The following CLDN2 variants were observed in gnomAD, a reference collection of about 807,000 sequenced individuals.
CLDN2 encodes claudin-2.
A neutral mutation model predicts 8.2 loss-of-function variants in CLDN2; 1 was observed. The ratio of observed to expected loss-of-function variants is 0.12; its 90% CI spans 0.04 to 0.58. CLDN2 has a LOEUF of 0.58. Ranked by LOEUF, CLDN2 falls within the 20% of genes least tolerant of loss-of-function variation. The pLI, the probability that CLDN2 is intolerant of heterozygous loss-of-function variation, is 0.90. For missense variants in CLDN2, 108 were observed against 172.9 expected (o/e 0.62, Z 2.11); for synonymous variants, 70 against 70.2 (o/e 1.00, Z 0.01).
At chrX:106,923,641 G>A (rs1287846752) in intron 1 of CLDN2, among the ~76,000 whole-genome samples, 6 of 111,772 alleles carry the variant, frequency 5.4e-5, no homozygotes, top group African/African-American at 2.0e-4. Flanking sequence ...AAGGAACACT[G>A]CATGAGGAGC....
intron 1 of CLDN2, among the ~76,000 whole-genome samples, chrX:106,911,487 C>T (rs748474233): frequency 2.3e-4 from 26 of 111,278 alleles, no homozygotes; most frequent in Non-Finnish European, 4.3e-4. Flanking sequence ...ATCTCCACCC[C>T]CCAAACCCCT....
At chrX:106,900,841 A>C in intron 1 of CLDN2, 1 of 1,209,845 alleles carries the variant, frequency 8.3e-7, no homozygotes, top group Non-Finnish European at 1.1e-6. Flanking sequence ...TGGACAGGAA[A>C]GTTCTGCAGT....
upstream of CLDN2, among the ~76,000 whole-genome samples, chrX:106,917,773 C>A (rs1933332079): frequency 9.0e-6 from 1 of 111,259 alleles, no homozygotes; most frequent in Non-Finnish European, 1.9e-5. Flanking sequence ...TATTCTCTCC[C>A]TACTCACTTG....
At chrX:106,906,708 C>T (rs758087378) in intron 1 of CLDN2, among the ~76,000 whole-genome samples, 19 of 111,642 alleles carry the variant, frequency 1.7e-4, no homozygotes, top group African/African-American at 5.8e-4. Flanking sequence ...AGGCTAATCC[C>T]TTTGCCTGGG....
In CLDN2 at chrX:106,930,512, T is replaced by C. The variant is rs1331747466; in HGVS notation, c.*1591T>C. 1 of 122,243 alleles carries C rather than the reference T, an allele frequency of 8.2e-6. No homozygotes were observed. The highest frequency in any genetic ancestry group is 1.9e-5 in the Non-Finnish European group (1 of 52,967). The allele number at this position is 122,243 out of a possible 1,213,427, so 10.1% of individuals were successfully genotyped here. ...CATGCCTTTCACATGTCCACCTTCT[T>C]GCCATGTTCCAGCTGCTCTCCCAAC... is the stretch of plus-strand genomic sequence containing the variant. On this transcript the variant is annotated 3_prime_UTR_variant, in exon 2 of 2. Coordinates refer to ENST00000336803, the MANE Select transcript of CLDN2 (RefSeq NM_020384.4).
chrX:106,903,694 G>A (rs181339111), intron 1 of CLDN2, among the ~76,000 whole-genome samples: 18 of 112,146 alleles, frequency 1.6e-4, no homozygotes, highest in African/African-American at 5.8e-4. Context: ...TGAATAGACA[G>A]GCCTTTAACT....
upstream of CLDN2, among the ~76,000 whole-genome samples, chrX:106,919,779 C>T (rs1265207322): frequency 8.9e-6 from 1 of 112,956 alleles, no homozygotes; most frequent in Non-Finnish European, 1.9e-5. Flanking sequence ...CCACTGCACA[C>T]GGCCTTCACA....
chrX:106,921,685 G>A (rs1477230048), intron 1 of CLDN2, among the ~76,000 whole-genome samples: 1 of 112,224 alleles, frequency 8.9e-6, no homozygotes, highest in Non-Finnish European at 1.9e-5. Flanking sequence ...GTGAGAAGGG[G>A]TTAAGTCAGG....
chrX:106,909,544 C>A (rs1010810680), intron 1 of CLDN2, among the ~76,000 whole-genome samples: 3 of 112,228 alleles, frequency 2.7e-5, no homozygotes, highest in East Asian at 2.8e-4. Context: ...AGCCGGAGCC[C>A]CTGGGGTTGA....
intron 1 of CLDN2, among the ~76,000 whole-genome samples, chrX:106,921,456 G>T (rs758855131): frequency 4.7e-4 from 52 of 111,703 alleles, no homozygotes; most frequent in African/African-American, 1.4e-3. Context: ...TTCTTATGAG[G>T]GGCAGTGAGA....
intron 1 of CLDN2, chrX:106,900,917 A>G (rs752101453): frequency 2.3e-5 from 28 of 1,205,103 alleles, no homozygotes; most frequent in East Asian, 1.5e-4. Context: ...GCCTGTGGAC[A>G]GAGAAGAAAC....
intron 1 of CLDN2, among the ~76,000 whole-genome samples, chrX:106,901,790 AG>A (rs1163098021): frequency 1.8e-5 from 2 of 110,776 alleles, no homozygotes; most frequent in Non-Finnish European, 3.8e-5. Context: ...GAGGCTCTCC[AG>A]GGGACAGTGT....
At chrX:106,923,879 A>G (rs1163417492) in intron 1 of CLDN2, among the ~76,000 whole-genome samples, 1 of 111,651 alleles carries the variant, frequency 9.0e-6, no homozygotes, top group Non-Finnish European at 1.9e-5. Flanking sequence ...AGAGCCATCT[A>G]GAAGTCGAGA....
intron 1 of CLDN2, chrX:106,900,728 T>C: frequency 8.4e-7 from 1 of 1,195,512 alleles, no homozygotes; most frequent in Non-Finnish European, 1.1e-6. Flanking sequence ...CACACCCTTC[T>C]GGCCCCTTTT....
At chrX:106,913,957 T>TC (rs1486507456), upstream of CLDN2, among the ~76,000 whole-genome samples, 8 of 100,550 alleles carry the variant, frequency 8.0e-5, no homozygotes, top group East Asian at 2.5e-3. Context: ...ACTTTTTTTT[T>TC]TTTTTTTTTT....
intron 1 of CLDN2, among the ~76,000 whole-genome samples, chrX:106,903,688 T>C (rs1445230197): frequency 8.9e-6 from 1 of 112,112 alleles, no homozygotes; most frequent in Middle Eastern, 4.2e-3. Flanking sequence ...GAGGGCTGAA[T>C]AGACAGGCCT....
intron 1 of CLDN2, among the ~76,000 whole-genome samples, chrX:106,909,026 C>G (rs1413595363): frequency 9.0e-6 from 1 of 111,437 alleles, no homozygotes; most frequent in African/African-American, 3.3e-5. Context: ...GGATACTGCC[C>G]AAAGATTTCA....
At chrX:106,921,944 A>G (rs1309694015) in intron 1 of CLDN2, among the ~76,000 whole-genome samples, 2 of 112,332 alleles carry the variant, frequency 1.8e-5, no homozygotes, top group African/African-American at 6.5e-5. Flanking sequence ...GGCTGCTTCT[A>G]ATAACAGCTC....
intron 1 of CLDN2, among the ~76,000 whole-genome samples, chrX:106,906,674 G>A (rs1187392536): frequency 9.0e-6 from 1 of 111,162 alleles, no homozygotes; most frequent in East Asian, 2.8e-4. Flanking sequence ...CTCTTCTCAG[G>A]GGACAAGGTG....
Sources: gnomAD v4.1 joint callset for allele counts (sites outside exome capture counted in the v4.1 genomes callset) on GRCh38, gnomAD v4.1.1 for gene constraint, MANE v1.5 for transcripts, NCBI Gene and HGNC (gene_info 2026-07-23, HGNC 2026-07-21) for gene names.